EP400: variants seen among roughly 807,000 people sequenced by gnomAD.
EP400 encodes E1A-binding protein p400.
In EP400, 105 loss-of-function variants were observed where a neutral mutation model predicts 354.1. The ratio of observed to expected loss-of-function variants is 0.30; its 90% CI spans 0.25 to 0.35. The LOEUF (loss-of-function observed/expected upper bound fraction) is 0.35. Ranked by LOEUF, EP400 falls within the 10% of genes least tolerant of loss-of-function variation. The pLI, the probability that EP400 is intolerant of heterozygous loss-of-function variation, is 1.00. For synonymous variants in EP400, 1,646 were observed against 1,716.9 expected (o/e 0.96, Z 1.02); for missense variants, 3,280 against 4,121.0 (o/e 0.80, Z 5.59).
At chr12:132,055,864 G>C (rs747676719) in intron 45 of EP400, among the ~76,000 whole-genome samples, 3 of 151,864 alleles carry the variant, frequency 2.0e-5, no homozygotes, top group Non-Finnish European at 4.4e-5. Flanking sequence ...TGCCCCCCAT[G>C]TGCTTGTCAC....
chr12:132,031,511 T>C (rs962473262), intron 29 of EP400, among the ~76,000 whole-genome samples: 5 of 152,194 alleles, frequency 3.3e-5, no homozygotes, highest in African/African-American at 1.2e-4. Flanking sequence ...GGTGTTGCTT[T>C]AACATGAGCC....
At chr12:132,039,994 C>T (rs1374270510) in intron 32 of EP400, among the ~76,000 whole-genome samples, 2 of 152,194 alleles carry the variant, frequency 1.3e-5, no homozygotes, top group Non-Finnish European at 2.9e-5. Flanking sequence ...GAGCTGTGAT[C>T]GTGCCACTGC....
At chr12:132,062,748 T>G in intron 47 of EP400, 47 bp downstream of exon 47, 1 of 1,605,190 alleles carries the variant, frequency 6.2e-7, no homozygotes, top group South Asian at 1.1e-5. Context: ...TTGCGGTCAG[T>G]CAGCCCAGCG....
intron 45 of EP400, among the ~76,000 whole-genome samples, chr12:132,055,733 G>A (rs1212791739): frequency 6.6e-6 from 1 of 150,980 alleles, no homozygotes; most frequent in Non-Finnish European, 1.5e-5. Context: ...GTAGGGGTGT[G>A]TGTGTGAAGT....
intron 45 of EP400, among the ~76,000 whole-genome samples, chr12:132,058,126 C>T (rs923061333): frequency 1.3e-5 from 2 of 151,756 alleles, no homozygotes; most frequent in Admixed American, 1.3e-4. Context: ...AGAACTGGCC[C>T]TTCTGAATGC....
chr12:131,975,448 C>T (rs1403839326), intron 2 of EP400, among the ~76,000 whole-genome samples: 1 of 152,180 alleles, frequency 6.6e-6, no homozygotes, highest in Non-Finnish European at 1.5e-5. Context: ...GCCAGCGCTG[C>T]ACTGCACTGT....
In EP400 at chr12:132,005,159, T is replaced by A. The variant is rs772836807; in HGVS notation, c.2910T>A (p.Asp970Glu). 3.2e-6 allele frequency: 5 copies of A among 1,581,342 alleles called. No homozygotes were observed. Among genetic ancestry groups the A allele is most frequent in the Non-Finnish European group, 3.4e-6 (4 of 1,163,598 alleles). Residue 970 changes from aspartate (D) to glutamate (E), a missense_variant, in exon 13 of 53, where the codon GAT (aspartate) becomes GAA (glutamate). Asp to Glu is a conservative substitution (Grantham distance 45). This residue lies in a region of EP400 where 800 missense variants were observed against 840.0 expected (regional missense o/e 0.95). Transcript: ENST00000389561. Reference protein sequence around the residue: ...PSSQWPRPKPDGEDTSGEEDA... With the variant: ...PSSQWPRPKPEGEDTSGEEDA... ...CTCAGTGGCCCCGGCCGAAGCCTGA[T>A]GGGGAGGACACAAGCGGAGAGGAAG...
At chr12:132,003,767 C>T (rs1345056749) in intron 12 of EP400, among the ~76,000 whole-genome samples, 4 of 152,182 alleles carry the variant, frequency 2.6e-5, no homozygotes, top group Non-Finnish European at 5.9e-5. Context: ...ATTCCACAGC[C>T]AACACTTACT....
chr12:131,990,533 ACT>A lies in EP400; in HGVS notation c.2551-102_2551-101del. Reference sequence around the variant, plus strand: ...CACCAAACTGACGAGGCTGGAAAACACTGTTTTCAGACTCTGCTTATGTGCTT... The same window carrying A: ...CACCAAACTGACGAGGCTGGAAAACAGTTTTCAGACTCTGCTTATGTGCTT... On this transcript the variant is annotated intron_variant, in intron 8 of 52. Coordinates refer to ENST00000389561, the MANE Select transcript of EP400 (RefSeq NM_015409.5). The surrounding 1 kb of genome is among the most constrained non-coding windows in gnomAD (Gnocchi z 4.2). The A allele has an allele frequency of 1.2e-6, 1 of 861,362 alleles. No homozygotes were observed. The allele number at this position is 861,362 out of a possible 1,614,324, so 53.4% of individuals were successfully genotyped here. A position where few individuals can be genotyped will look rare whatever the true frequency, so the allele number is the denominator to read the frequency against.
chr12:132,012,640 C>T (rs1055148496), intron 16 of EP400, among the ~76,000 whole-genome samples: 3 of 152,214 alleles, frequency 2.0e-5, no homozygotes, highest in African/African-American at 7.2e-5. Context: ...CAGTCAGTTG[C>T]AATACAGATG....
At chr12:131,977,299 A>C (rs1593320327) in intron 2 of EP400, among the ~76,000 whole-genome samples, 1 of 148,334 alleles carries the variant, frequency 6.7e-6, no homozygotes, top group Admixed American at 6.7e-5. Flanking sequence ...ACCGCGTCTG[A>C]CTAATTTTTT....
intron 30 of EP400, among the ~76,000 whole-genome samples, chr12:132,035,168 G>A (rs921857280): frequency 2.6e-5 from 4 of 152,180 alleles, no homozygotes; most frequent in Admixed American, 1.3e-4. Flanking sequence ...GAGAAGGAAG[G>A]ACCAGTTTAA....
intron 45 of EP400, among the ~76,000 whole-genome samples, chr12:132,061,617 G>T (rs1299705006): frequency 2.0e-5 from 3 of 152,216 alleles, no homozygotes; most frequent in Non-Finnish European, 4.4e-5. Flanking sequence ...AGAGTGGACT[G>T]CAGGGCACAG....
At chr12:131,962,154 G>C (rs1159324553) in intron 2 of EP400, among the ~76,000 whole-genome samples, 200 bp downstream of exon 2, 1 of 152,226 alleles carries the variant, frequency 6.6e-6, no homozygotes, top group Non-Finnish European at 1.5e-5. Flanking sequence ...GTTGAGCGCA[G>C]AAGTGTGTCA....
At position 132,013,217 on chromosome 12, in the gene EP400, T is replaced by C; in HGVS notation, c.3611+39T>C. 1.3e-6 allele frequency: 2 copies of C among 1,574,000 alleles called. No individual in the cohort carries two copies. The highest frequency in any genetic ancestry group is 2.3e-5 in the East Asian group (1 of 44,062). On this transcript the variant is annotated intron_variant, in intron 17 of 52. Coordinates refer to ENST00000389561, the MANE Select transcript of EP400 (RefSeq NM_015409.5). The surrounding 1 kb of genome is among the most constrained non-coding windows in gnomAD (Gnocchi z 4.5). ...GCGCTTGTCATTGAGTGTTCTTTGC[T>C]GTTGATGTAGAAGATTCTCTTGAAG...
chr12:132,027,426 TG>T lies in EP400; in HGVS notation c.5015-10del, dbSNP rs773403009. 2.5e-6 allele frequency: 4 copies of T among 1,613,912 alleles called. No homozygotes were observed. In the African/African-American group the frequency reaches 5.3e-5, roughly 22 times the overall value. On this transcript the variant is annotated splice_polypyrimidine_tract_variant and intron_variant, in intron 25 of 52. Transcript: ENST00000389561. This position sits in a 1 kb window ranked among gnomAD's most constrained non-coding sequence, Gnocchi z 4.9. ...GCGTTCCTTTTCACCTCTTCCTTTATGCATTTGTAGTTGGCGTTCCGGGCCG... is the reference window on the plus strand; with the variant it reads ...GCGTTCCTTTTCACCTCTTCCTTTATCATTTGTAGTTGGCGTTCCGGGCCG...
At position 131,979,867 on chromosome 12, in the gene EP400, G is replaced by C. The variant is rs1186634244; in HGVS notation, c.1435+74G>C. 5.5e-6 allele frequency: 7 copies of C among 1,268,006 alleles called. No individual in the cohort carries two copies. The East Asian group carries it at 1.8e-4, about 33-fold the overall frequency. The allele number at this position is 1,268,006 out of a possible 1,614,324, so 78.5% of individuals were successfully genotyped here. On this transcript the variant is annotated intron_variant, in intron 3 of 52. Coordinates refer to ENST00000389561, the MANE Select transcript of EP400 (RefSeq NM_015409.5). ...GGCTGCCGAGGTACAGTTGCCATGA[G>C]TTTCTGAAGAGCAGTTGCTAAACTT...
chr12:132,003,797 T>C (rs1893495727), intron 12 of EP400, among the ~76,000 whole-genome samples: 1 of 152,140 alleles, frequency 6.6e-6, no homozygotes, highest in African/African-American at 2.4e-5. Context: ...CTCCATTAGG[T>C]CTATGTCCAT....
In EP400 at chr12:132,050,725, T is replaced by TGAGTTCAGC. The variant is rs1463353728; in HGVS notation, c.7394+71_7394+79dup. ...TCATTCCAGTGTCATCTAAGTTCAG[T>TGAGTTCAGC]GAGTTCAGCAAATCGTTGTGCACTT... On this transcript the variant is annotated intron_variant, in intron 41 of 52. Transcript: ENST00000389561. The surrounding 1 kb of genome is among the most constrained non-coding windows in gnomAD (Gnocchi z 4.8). 1.9e-6 allele frequency: 3 copies of TGAGTTCAGC among 1,586,190 alleles called. No individual in the cohort carries two copies. In the African/African-American group the frequency reaches 4.0e-5, roughly 21 times the overall value.
Sources: allele counts gnomAD v4.1 joint callset (sites outside exome capture counted in the v4.1 genomes callset), GRCh38; gene constraint gnomAD v4.1.1; regional missense constraint gnomAD v4.1.1; non-coding constraint Gnocchi (gnomAD v3.1); transcripts MANE v1.5; gene names NCBI Gene and HGNC (gene_info 2026-07-23, HGNC 2026-07-21).